The following PAK5 variants were observed in gnomAD, a reference collection of about 807,000 sequenced individuals.
PAK5 encodes p21 (RAC1) activated kinase 5.
A neutral mutation model predicts 65.9 loss-of-function variants in PAK5; 16 were observed. The ratio of observed to expected loss-of-function variants is 0.24; its 90% CI spans 0.16 to 0.37. The LOEUF (loss-of-function observed/expected upper bound fraction) is 0.37. PAK5 is among the 10% of genes least tolerant of loss of function. The pLI is 1.00. For synonymous variants in PAK5, 371 were observed against 354.9 expected (o/e 1.05, Z -0.51); for missense variants, 785 against 903.9 (o/e 0.87, Z 1.69).
chr20:9,570,933 T>C (rs1240286862), intron 4 of PAK5, among the ~76,000 whole-genome samples: 1 of 152,220 alleles, frequency 6.6e-6, no homozygotes, highest in Non-Finnish European at 1.5e-5. Flanking sequence ...AGAAGAAGCC[T>C]GCCTGCACCA....
At chr20:9,822,355 T>C (rs963901074) in intron 1 of PAK5, among the ~76,000 whole-genome samples, 10 of 152,072 alleles carry the variant, frequency 6.6e-5, no homozygotes, top group Non-Finnish European at 1.0e-4. Flanking sequence ...CTTAGGAATA[T>C]TTTATCTTTC....
Position 9,539,606 on chromosome 20 carries a change from C to G in PAK5, c.2016G>C (p.Val672=). ...ACATCAAGTCTAGGAATCCCCGGAG[C>G]ACTGAAGAAACCTGTGAAAACACAC... ...RVKDLHKVSS[V]LRGFLDLMLV... is the part of the protein sequence containing the mutation. The change falls in exon 10 of 10, where the codon GTG becomes GTC. Residue 672 remains valine (V), a synonymous_variant. Transcript: ENST00000353224. 6.2e-7 allele frequency: 1 copy of G among 1,613,278 alleles called. No individual in the cohort carries two copies. Among genetic ancestry groups the G allele is most frequent in the Non-Finnish European group, 8.5e-7 (1 of 1,179,914 alleles).
At chr20:9,753,060 C>A (rs916101282) in intron 1 of PAK5, among the ~76,000 whole-genome samples, 1 of 152,146 alleles carries the variant, frequency 6.6e-6, no homozygotes, top group Non-Finnish European at 1.5e-5. Flanking sequence ...CCAGACCAGC[C>A]AACCCCAAGC....
intron 3 of PAK5, among the ~76,000 whole-genome samples, chr20:9,629,720 T>A (rs918200257): frequency 1.3e-5 from 2 of 152,242 alleles, no homozygotes; most frequent in African/African-American, 4.8e-5. Flanking sequence ...TCCATATCTT[T>A]AAACAATGTC....
chr20:9,823,101 T>A (rs533545017), intron 1 of PAK5, among the ~76,000 whole-genome samples: 1 of 152,304 alleles, frequency 6.6e-6, no homozygotes, highest in East Asian at 1.9e-4. Context: ...AGTGTCCTTA[T>A]AAGAAAAGCT....
chr20:9,573,857 G>A (rs2045837459), intron 4 of PAK5, among the ~76,000 whole-genome samples: 1 of 152,168 alleles, frequency 6.6e-6, no homozygotes. Context: ...GCTGGTTCCA[G>A]TGCCTGAATG....
At chr20:9,661,781 A>G (rs2047350488) in intron 2 of PAK5, among the ~76,000 whole-genome samples, 1 of 152,292 alleles carries the variant, frequency 6.6e-6, no homozygotes, top group Non-Finnish European at 1.5e-5. Flanking sequence ...AAGGCATTAA[A>G]TAAATTTGTA....
At chr20:9,832,160 A>G (rs887193056) in intron 1 of PAK5, among the ~76,000 whole-genome samples, 1 of 152,088 alleles carries the variant, frequency 6.6e-6, no homozygotes, top group Non-Finnish European at 1.5e-5. Context: ...GAAATATATT[A>G]TAATACACAA....
intron 1 of PAK5, among the ~76,000 whole-genome samples, chr20:9,734,552 G>GCGCACACACA (rs112278013): frequency 2.0e-5 from 3 of 149,368 alleles, no homozygotes; most frequent in African/African-American, 7.4e-5. Flanking sequence ...ACGCGCACAT[G>GCGCACACACA]CACACACACA....
intron 1 of PAK5, among the ~76,000 whole-genome samples, chr20:9,764,691 T>C (rs183671450): frequency 1.3e-5 from 2 of 152,308 alleles, no homozygotes; most frequent in Admixed American, 6.5e-5. Context: ...TTCATTAGGA[T>C]TGATCTTGTT....
chr20:9,559,652 A>G (rs1228886756), intron 6 of PAK5, among the ~76,000 whole-genome samples: 1 of 152,076 alleles, frequency 6.6e-6, no homozygotes, highest in Non-Finnish European at 1.5e-5. Context: ...AATTCCAGCT[A>G]CTCAGGAGGT....
intron 2 of PAK5, 28 bp from the exon 3 acceptor site, chr20:9,644,367 G>A: frequency 1.4e-6 from 2 of 1,459,480 alleles, no homozygotes; most frequent in Non-Finnish European, 1.9e-6. Context: ...AAAAGAGGCA[G>A]CCATTTATAT....
chr20:9,539,844 A>G (rs143417082), intron 9 of PAK5, among the ~76,000 whole-genome samples: 3 of 152,352 alleles, frequency 2.0e-5, no homozygotes, highest in African/African-American at 4.8e-5. Flanking sequence ...TCAACTAAGA[A>G]TGAAAACTTA....
intron 3 of PAK5, among the ~76,000 whole-genome samples, chr20:9,614,585 A>G (rs2046621860): frequency 1.3e-5 from 2 of 152,242 alleles, no homozygotes; most frequent in Admixed American, 6.5e-5. Flanking sequence ...GCCAAAGGTG[A>G]AAAACACCTT....
chr20:9,669,345 CCTT>C (rs1460038440), intron 2 of PAK5, among the ~76,000 whole-genome samples: 1 of 152,058 alleles, frequency 6.6e-6, no homozygotes, highest in East Asian at 1.9e-4. Context: ...TAACAAGCCT[CCTT>C]CTAGAAATAT....
intron 3 of PAK5, among the ~76,000 whole-genome samples, chr20:9,607,286 G>A (rs983692928): frequency 2.0e-5 from 3 of 152,206 alleles, no homozygotes; most frequent in African/African-American, 7.2e-5. Context: ...TCAGCCAAAG[G>A]AAAATGGAGG....
intron 1 of PAK5, among the ~76,000 whole-genome samples, chr20:9,712,680 A>C (rs2048092354): frequency 6.6e-6 from 1 of 152,160 alleles, no homozygotes; most frequent in Admixed American, 6.6e-5. Flanking sequence ...CATGCCGATG[A>C]ATAGAACAGA....
intron 2 of PAK5, among the ~76,000 whole-genome samples, chr20:9,666,128 A>G (rs2047414037): frequency 6.6e-6 from 1 of 152,212 alleles, no homozygotes; most frequent in African/African-American, 2.4e-5. Flanking sequence ...AGGGAAAAGT[A>G]GAGTTCAGCA....
intron 1 of PAK5, among the ~76,000 whole-genome samples, chr20:9,726,135 T>A (rs929189860): frequency 2.0e-5 from 3 of 152,168 alleles, no homozygotes; most frequent in African/African-American, 7.2e-5. Flanking sequence ...CTTGTCTCTC[T>A]GATTTTGTGA....
Sources: allele counts gnomAD v4.1 joint callset (sites outside exome capture counted in the v4.1 genomes callset), GRCh38; gene constraint gnomAD v4.1.1; transcripts MANE v1.5; gene names NCBI Gene and HGNC (gene_info 2026-07-23, HGNC 2026-07-21).